GNB5: variants seen among roughly 807,000 people sequenced by gnomAD.
GNB5 encodes guanine nucleotide-binding protein subunit beta-5.
A neutral mutation model predicts 55.3 loss-of-function variants in GNB5; 37 were observed. That is an observed-to-expected ratio of 0.67 (90% CI 0.51 to 0.88). The LOEUF is 0.88. Ranked by LOEUF, GNB5 falls within the 40% of genes least tolerant of loss-of-function variation. The probability of loss-of-function intolerance (pLI) is 0.00; values close to 1 mark genes in which losing one functional copy is unlikely to be tolerated. For synonymous variants in GNB5, 219 were observed against 198.5 expected, an observed-to-expected ratio of 1.10 and a Z score of -0.87; for missense variants, 476 against 515.3, an observed-to-expected ratio of 0.92 and a Z score of 0.74.
chr15:52,135,480 G>A, intron 8 of GNB5, 133 bp downstream of exon 8: 2 of 794,720 alleles, frequency 2.5e-6, no homozygotes, highest in Non-Finnish European at 4.1e-6. Context: ...GGGGTTTAGT[G>A]GGGAGTTGAG....
chr15:52,145,675 T>G (rs1308761989), intron 6 of GNB5, among the ~76,000 whole-genome samples: 3 of 151,770 alleles, frequency 2.0e-5, no homozygotes, highest in Admixed American at 2.0e-4. Context: ...TACATGTATG[T>G]GAACATGGGC....
chr15:52,129,351 GC>G (rs1335099763), intron 9 of GNB5, among the ~76,000 whole-genome samples: 1 of 152,182 alleles, frequency 6.6e-6, no homozygotes, highest in Non-Finnish European at 1.5e-5. Flanking sequence ...CCTCCTACCA[GC>G]GGGAGGTGAG....
At chr15:52,189,891 G>C (rs1216683208) in intron 1 of GNB5, among the ~76,000 whole-genome samples, 1 of 152,206 alleles carries the variant, frequency 6.6e-6, no homozygotes, top group African/African-American at 2.4e-5. Context: ...AAGCAGATGA[G>C]TAGTTGCGAG....
chr15:52,175,100 T>A (rs948064231), intron 3 of GNB5, among the ~76,000 whole-genome samples: 1 of 151,774 alleles, frequency 6.6e-6, no homozygotes, highest in East Asian at 1.9e-4. Context: ...CAAACACACA[T>A]ACCTAGGGTC....
chr15:52,138,186 C>G (rs1405225638), intron 7 of GNB5, among the ~76,000 whole-genome samples: 2 of 151,916 alleles, frequency 1.3e-5, no homozygotes, highest in African/African-American at 4.8e-5. Context: ...AGTTCAAGAC[C>G]AGCCTGGCCA....
intron 5 of GNB5, among the ~76,000 whole-genome samples, chr15:52,148,414 C>T (rs1331688790): frequency 6.6e-6 from 1 of 151,982 alleles, no homozygotes; most frequent in Non-Finnish European, 1.5e-5. Context: ...CACAACAGTC[C>T]CTGGCTTCTG....
At chr15:52,171,496 C>T (rs2034554144) in intron 3 of GNB5, among the ~76,000 whole-genome samples, 1 of 152,192 alleles carries the variant, frequency 6.6e-6, no homozygotes, top group African/African-American at 2.4e-5. Context: ...GTACTCTAAA[C>T]ACCCTTGCAT....
At chr15:52,137,346 C>T in intron 7 of GNB5, 1 of 1,050,374 alleles carries the variant, frequency 9.5e-7, no homozygotes, top group African/African-American at 1.7e-5. Flanking sequence ...CTGAGTTGGT[C>T]TTCAAGGAAG....
At chr15:52,162,814 T>C (rs2034362781) in intron 3 of GNB5, 1 of 152,140 alleles carries the variant, frequency 6.6e-6, no homozygotes. Context: ...ATTTCTTTGT[T>C]TCTTCTCCAC....
chr15:52,121,449 A>C lies in GNB5; in HGVS notation c.*1308T>G, dbSNP rs2033264383. ...AAGGAAAAGAAGGGATCCTATAACA[A>C]AAAGCACTTCCTTCTTCTAGAAGGA... On this transcript the variant is annotated 3_prime_UTR_variant, in exon 13 of 13. Coordinates refer to ENST00000261837, the MANE Select transcript of GNB5 (RefSeq NM_016194.4). The C allele has an allele frequency of 6.6e-6, 1 of 152,176 alleles. No individual in the cohort carries two copies. Among genetic ancestry groups the C allele is most frequent in the South Asian group, 2.1e-4 (1 of 4,828 alleles). 9.4% of individuals were successfully genotyped at this position (152,176 alleles called of 1,614,324 possible).
At chr15:52,131,358 G>A (rs527972604) in intron 9 of GNB5, among the ~76,000 whole-genome samples, 7 of 151,956 alleles carry the variant, frequency 4.6e-5, no homozygotes, top group Non-Finnish European at 7.4e-5. Flanking sequence ...TAAAGTACAC[G>A]GGAGAATGTG....
At chr15:52,144,742 G>A (rs1407648735) in intron 6 of GNB5, among the ~76,000 whole-genome samples, 2 of 152,116 alleles carry the variant, frequency 1.3e-5, no homozygotes, top group Admixed American at 1.3e-4. Context: ...AACCACACAG[G>A]CAGTGTGTGG....
chr15:52,186,141 C>A (rs1369183090), intron 1 of GNB5, among the ~76,000 whole-genome samples: 1 of 152,324 alleles, frequency 6.6e-6, no homozygotes, highest in South Asian at 2.1e-4. Flanking sequence ...TAATGCCACA[C>A]TGGACACTAT....
At chr15:52,172,716 T>C (rs182330312) in intron 3 of GNB5, among the ~76,000 whole-genome samples, 277 of 152,188 alleles carry the variant, frequency 1.8e-3, no homozygotes, top group South Asian at 4.6e-3. Flanking sequence ...CAGTGAACCA[T>C]GATCGGGCCA....
At chr15:52,185,253 A>T (rs10083575) in intron 1 of GNB5, among the ~76,000 whole-genome samples, 1 of 152,236 alleles carries the variant, frequency 6.6e-6, no homozygotes, top group Non-Finnish European at 1.5e-5. Context: ...AGGCCGCTGC[A>T]GGGAGGCAGC....
intron 3 of GNB5, among the ~76,000 whole-genome samples, chr15:52,155,759 T>C (rs543119045): frequency 1.1e-4 from 17 of 152,318 alleles, no homozygotes; most frequent in African/African-American, 4.1e-4. Context: ...GATGGGGTGC[T>C]GAGTTAATGT....
At chr15:52,155,452 G>A (rs1472958874) in intron 3 of GNB5, among the ~76,000 whole-genome samples, 3 of 152,166 alleles carry the variant, frequency 2.0e-5, no homozygotes, top group Non-Finnish European at 4.4e-5. Flanking sequence ...CAGTGTGTAT[G>A]TCCTAAAAAC....
intron 3 of GNB5, among the ~76,000 whole-genome samples, chr15:52,169,559 A>AAAAG (rs2034518819): frequency 6.9e-6 from 1 of 145,936 alleles, no homozygotes; most frequent in Non-Finnish European, 1.5e-5. Context: ...AAAAAAAAAA[A>AAAAG]AAAAGAAAAG....
chr15:52,150,854 G>A (rs941633947), intron 4 of GNB5, among the ~76,000 whole-genome samples: 3 of 152,210 alleles, frequency 2.0e-5, no homozygotes, highest in African/African-American at 4.8e-5. Context: ...AGATCCTCAG[G>A]GATCGGAAAT....
Sources: allele counts gnomAD v4.1 joint callset (sites outside exome capture counted in the v4.1 genomes callset), GRCh38; gene constraint gnomAD v4.1.1; transcripts MANE v1.5; gene names NCBI Gene and HGNC (gene_info 2026-07-23, HGNC 2026-07-21).